IGSF9B: variants seen among roughly 807,000 people sequenced by gnomAD.
The protein encoded by IGSF9B is protein turtle homolog B.
Under a neutral mutation model 143.7 loss-of-function variants are expected in IGSF9B, and 48 were observed. The observed-to-expected ratio is 0.33, with a 90% CI of 0.26 to 0.42. IGSF9B has a LOEUF of 0.42. Ranked by LOEUF, IGSF9B falls within the 20% of genes least tolerant of loss-of-function variation. The probability of loss-of-function intolerance (pLI) is 1.00; values close to 1 mark genes in which losing one functional copy is unlikely to be tolerated. For synonymous variants in IGSF9B, 903 were observed against 833.1 expected, an observed-to-expected ratio of 1.08 and a Z score of -1.44; for missense variants, 1,706 against 1,980.0, an observed-to-expected ratio of 0.86 and a Z score of 2.63.
rs558043480 is a variant in IGSF9B, at chr11:133,938,531, C to T, written c.410-570G>A. Among the ~76,000 whole-genome samples the T allele has an allele frequency of 2.6e-5, 4 of 152,348 alleles. No homozygotes were observed. The East Asian group carries it at 5.8e-4, about 22-fold the overall frequency. On this transcript the variant is annotated intron_variant, in intron 3 of 19. Coordinates refer to ENST00000533871, the MANE Select transcript of IGSF9B (RefSeq NM_001277285.4). ...CGAAGGCCACTCCCTTCTTCATTTT[C>T]CTCTGATCATGTCAGGTCATCTTCC...
In IGSF9B at chr11:133,909,290, G is replaced by C. The variant is rs1336603271; in HGVS notation, c.4106-13C>G. ...GAGGCAGAATCGTCTAGGAAGAAAG[G>C]AAGAGGGACGCAAAAGAGAAGCAAG... On this transcript the variant is annotated splice_polypyrimidine_tract_variant and intron_variant, in intron 19 of 19. Coordinates refer to ENST00000533871, the MANE Select transcript of IGSF9B (RefSeq NM_001277285.4). The surrounding 1 kb of genome is among the most constrained non-coding windows in gnomAD (Gnocchi z 4.2). 6.5e-7 allele frequency: 1 copy of C among 1,530,694 alleles called. No homozygotes were observed. Among genetic ancestry groups the C allele is most frequent in the Admixed American group, 2.0e-5 (1 of 50,986 alleles). 94.8% of individuals were successfully genotyped at this position (1,530,694 alleles called of 1,614,324 possible).
At position 133,931,398 on chromosome 11, in the gene IGSF9B, G is replaced by T; in HGVS notation, c.1368+55C>A. ...CCCTCAAACCTCCCCGCAGCCCCAG[G>T]GCTCCCTGGGCCCTCACACCTCCCT... On this transcript the variant is annotated intron_variant, in intron 10 of 19. Transcript: ENST00000533871. The surrounding 1 kb of genome is among the most constrained non-coding windows in gnomAD (Gnocchi z 7.7). 1 of 1,310,956 alleles carries T rather than the reference G, an allele frequency of 7.6e-7. No individual in the cohort carries two copies. The highest frequency in any genetic ancestry group is 1.1e-6 in the Non-Finnish European group (1 of 924,772). 81.2% of individuals were successfully genotyped at this position (1,310,956 alleles called of 1,614,324 possible). A position where few individuals can be genotyped will look rare whatever the true frequency, so the allele number is the denominator to read the frequency against.
Position 133,935,710 on chromosome 11 carries a change from G to A in IGSF9B, c.874C>T (p.Arg292Trp), listed in dbSNP as rs1249503464. 7 of 1,611,136 alleles carry A rather than the reference G, an allele frequency of 4.3e-6. No individual in the cohort carries two copies. The highest frequency in any genetic ancestry group is 4.2e-6 in the Non-Finnish European group (5 of 1,178,882). The change falls in exon 7 of 20, where the codon CGG becomes TGG. Residue 292 changes from arginine (R) to tryptophan (W), a missense_variant. Physicochemically the swap from Arg to Trp is moderately radical, Grantham distance 101 (BLOSUM62 -3). Around this residue, in one of 7 missense-constraint regions of IGSF9B, gnomAD observed 238 missense variants for 452.6 expected, o/e 0.53. Transcript: ENST00000533871. ...TTCCCCGAGTCCTCCGGCTTCACCC[G>A]GAAGATGATCAGGGTCCCATCGATT... ...ILIDGTLIIF[R>W]VKPEDSGKYT...
At position 133,921,252 on chromosome 11, in the gene IGSF9B, G is replaced by C. The variant is rs776267595; in HGVS notation, c.2473C>G (p.Arg825Gly). Residue 825 changes from arginine to glycine, a missense_variant, in exon 18 of 20, where the codon CGG becomes GGG. Arg to Gly is a moderately radical substitution (Grantham distance 125, BLOSUM62 -2). Coordinates refer to ENST00000533871, the MANE Select transcript of IGSF9B (RefSeq NM_001277285.4). ...KELSLYKKTKRAISSKKYSVA... is the reference protein window; with the variant it reads ...KELSLYKKTKGAISSKKYSVA... ...CTGTACTTCTTGCTGCTGATGGCCC[G>C]CTTGGTCTTCTTGTACAGCGACAGC... is the stretch of plus-strand genomic sequence containing the variant. 3.7e-6 allele frequency: 6 copies of C among 1,610,860 alleles called. No homozygotes were observed. In the East Asian group the frequency reaches 1.3e-4, roughly 36 times the overall value.
rs1483276813 is a variant in IGSF9B, at chr11:133,902,565, ACC to A, written c.*6502_*6503del. The stretch of plus-strand genomic sequence containing the variant: ...CCACACACACCACATACACACACAC[ACC>A]CCACACACACACACACACACCCCAC... On this transcript the variant is annotated 3_prime_UTR_variant, in exon 20 of 20. Coordinates refer to ENST00000533871, the MANE Select transcript of IGSF9B (RefSeq NM_001277285.4). 1.8e-5 allele frequency among the ~76,000 whole-genome samples: 2 copies of A among 108,218 alleles called. No homozygotes were observed. The highest frequency in any genetic ancestry group is 4.2e-5 in the Non-Finnish European group (2 of 47,700). The allele number at this position is 108,218 out of a possible 152,430, so 71.0% of individuals were successfully genotyped here.
chr11:133,910,813 A>T (rs549129580), intron 19 of IGSF9B, among the ~76,000 whole-genome samples: 15 of 152,336 alleles, frequency 9.8e-5, no homozygotes, highest in African/African-American at 3.4e-4. Flanking sequence ...AATATATGTT[A>T]TACATATATA....
chr11:133,956,407 TG>T (rs1021810339), intron 1 of IGSF9B, among the ~76,000 whole-genome samples: 1 of 152,000 alleles, frequency 6.6e-6, no homozygotes, highest in African/African-American at 2.4e-5. Flanking sequence ...GGGCCCGTGG[TG>T]GGCGAAGTCG....
In IGSF9B at chr11:133,903,356, G is replaced by A. The variant is rs575133239; in HGVS notation, c.*5713C>T. Among the ~76,000 whole-genome samples, 1 of 152,246 alleles carries A rather than the reference G, an allele frequency of 6.6e-6. No individual in the cohort carries two copies. The highest frequency in any genetic ancestry group is 1.5e-5 in the Non-Finnish European group (1 of 68,026). On this transcript the variant is annotated 3_prime_UTR_variant, in exon 20 of 20. Transcript: ENST00000533871. The stretch of plus-strand genomic sequence containing the variant: ...GCATTTGAGCCACGGGGTTAAAACT[G>A]TCCAATCTAGCTCTCCCAGCCAGGG...
chr11:133,931,267 C>G lies in IGSF9B; in HGVS notation c.1369-133G>C. On this transcript the variant is annotated intron_variant, in intron 10 of 19. Coordinates refer to ENST00000533871, the MANE Select transcript of IGSF9B (RefSeq NM_001277285.4). The surrounding 1 kb of genome is among the most constrained non-coding windows in gnomAD (Gnocchi z 7.7). ...GCCCTCCTCCCGAGTGCCTGCCGCT[C>G]TTCAGGGTCAGCTCACTGCTCGGCA... is the stretch of plus-strand genomic sequence containing the variant. 1 of 1,020,442 alleles carries G rather than the reference C, an allele frequency of 9.8e-7. No homozygotes were observed. The highest frequency in any genetic ancestry group is 1.6e-5 in the African/African-American group (1 of 62,830). The allele number at this position is 1,020,442 out of a possible 1,614,324, so 63.2% of individuals were successfully genotyped here.
chr11:133,954,693 G>A (rs12271388), intron 1 of IGSF9B, among the ~76,000 whole-genome samples: 4 of 152,104 alleles, frequency 2.6e-5, no homozygotes, highest in African/African-American at 4.8e-5. Flanking sequence ...TCACAGGGTC[G>A]GCAGGTGACA....
chr11:133,933,128 C>T (rs1473153118), intron 7 of IGSF9B, among the ~76,000 whole-genome samples: 2 of 152,176 alleles, frequency 1.3e-5, no homozygotes, highest in Non-Finnish European at 1.5e-5. Flanking sequence ...TGGAGGCACT[C>T]AGATGCACGT....
chr11:133,908,584 T>C lies in IGSF9B; in HGVS notation c.*485A>G, dbSNP rs1939248396. 1 of 150,148 alleles carries C rather than the reference T, an allele frequency of 6.7e-6. No homozygotes were observed. Among genetic ancestry groups the C allele is most frequent in the Admixed American group, 6.6e-5 (1 of 15,090 alleles). 9.3% of individuals were successfully genotyped at this position (150,148 alleles called of 1,614,324 possible). On this transcript the variant is annotated 3_prime_UTR_variant, in exon 20 of 20. Transcript: ENST00000533871. ...AGCACTTTGCCTCAATGTACATATA[T>C]ATATATATATATACACACATAGAGA...
chr11:133,951,088 C>T (rs906213519), intron 1 of IGSF9B, among the ~76,000 whole-genome samples: 5 of 152,124 alleles, frequency 3.3e-5, no homozygotes, highest in African/African-American at 1.2e-4. Flanking sequence ...AGACCCGGGG[C>T]TCTCACAAAG....
Position 133,921,396 on chromosome 11 carries a change from A to AG in IGSF9B, c.2328dup (p.Ser778ValfsTer37). The AG allele has an allele frequency of 6.6e-7, 1 of 1,504,218 alleles. No homozygotes were observed. Among genetic ancestry groups the AG allele is most frequent in the Non-Finnish European group, 8.9e-7 (1 of 1,128,830 alleles). 93.2% of individuals were successfully genotyped at this position (1,504,218 alleles called of 1,614,324 possible). On this transcript the variant is annotated frameshift_variant and splice_region_variant, in exon 18 of 20. Coordinates refer to ENST00000533871, the MANE Select transcript of IGSF9B (RefSeq NM_001277285.4). LOFTEE classifies it high-confidence loss of function. ...TCGGGGCTCACCTTGCCAGAGGACA[A>AG]GCTGCAAGGAGGAGCAAGAGCCGGG...
At chr11:133,933,476 T>G (rs549242669) in intron 7 of IGSF9B, among the ~76,000 whole-genome samples, 1 of 152,368 alleles carries the variant, frequency 6.6e-6, no homozygotes, top group South Asian at 2.1e-4. Context: ...CCAGGTGCAG[T>G]GGCTCACACC....
rs1179099369 is a variant in IGSF9B, at chr11:133,913,877, ATC to A, written c.3984-1872_3984-1871del. ...TAATGTGAATCCACCTGTTCAGTCGATCTCTGTCTCCTGGCCGGCCTCTTCAG... is the reference window on the plus strand; with the variant it reads ...TAATGTGAATCCACCTGTTCAGTCGATCTGTCTCCTGGCCGGCCTCTTCAG... On this transcript the variant is annotated intron_variant, in intron 18 of 19. Coordinates refer to ENST00000533871, the MANE Select transcript of IGSF9B (RefSeq NM_001277285.4). The surrounding 1 kb of genome is among the most constrained non-coding windows in gnomAD (Gnocchi z 4.6). Among the ~76,000 whole-genome samples, 3 of 152,148 alleles carry A rather than the reference ATC, an allele frequency of 2.0e-5. No homozygotes were observed. Among genetic ancestry groups the A allele is most frequent in the African/African-American group, 7.2e-5 (3 of 41,448 alleles).
Position 133,945,182 on chromosome 11 carries a change from G to A in IGSF9B, c.263-816C>T, listed in dbSNP as rs928960250. Among the ~76,000 whole-genome samples, 3 of 152,102 alleles carry A rather than the reference G, an allele frequency of 2.0e-5. No individual in the cohort carries two copies. Among genetic ancestry groups the A allele is most frequent in the Admixed American group, 6.6e-5 (1 of 15,264 alleles). On this transcript the variant is annotated intron_variant, in intron 2 of 19. Transcript: ENST00000533871. The surrounding 1 kb of genome is among the most constrained non-coding windows in gnomAD (Gnocchi z 4.6). ...CCCTCGAGGTCGGCCCACCTCACCCGCTCTTAGCTCACCCCTCACCGCAGC... is the reference window on the plus strand; with the variant it reads ...CCCTCGAGGTCGGCCCACCTCACCCACTCTTAGCTCACCCCTCACCGCAGC...
chr11:133,950,147 T>C (rs776483423), intron 1 of IGSF9B, among the ~76,000 whole-genome samples: 3 of 152,154 alleles, frequency 2.0e-5, no homozygotes, highest in Non-Finnish European at 4.4e-5. Flanking sequence ...TGCAGAACCA[T>C]GAGGCATCCA....
rs1939261046 is a variant in IGSF9B, at chr11:133,909,114, G to C, written c.4269C>G (p.Leu1423=). Residue 1423 remains leucine (L), a synonymous_variant, in exon 20 of 20, where the codon CTC becomes CTG. Transcript: ENST00000533871. This position sits in a 1 kb window ranked among gnomAD's most constrained non-coding sequence, Gnocchi z 4.2. ...CTGGGTCATCGTGGTCCACACTGTT[G>C]AGAATCGCTGTCTGGTCTTCCGGAA... ...RQLPEDQTAI[L]NSVDHDDPGH... 3 of 1,535,784 alleles carry C rather than the reference G, an allele frequency of 2.0e-6. No individual in the cohort carries two copies. The highest frequency in any genetic ancestry group is 2.6e-6 in the Non-Finnish European group (3 of 1,146,752).
Sources: gnomAD v4.1 joint callset for allele counts (sites outside exome capture counted in the v4.1 genomes callset) on GRCh38, gnomAD v4.1.1 for gene constraint, gnomAD v4.1.1 regional missense constraint, Gnocchi (gnomAD v3.1) non-coding constraint, MANE v1.5 for transcripts, NCBI Gene and HGNC (gene_info 2026-07-23, HGNC 2026-07-21) for gene names.